The following FAIM2 variants were observed in gnomAD, a reference collection of about 807,000 sequenced individuals.
The protein encoded by FAIM2 is Fas apoptotic inhibitory molecule 2.
In FAIM2, 27 loss-of-function variants were observed where a neutral mutation model predicts 47.4. The ratio of observed to expected loss-of-function variants is 0.57; its 90% CI spans 0.42 to 0.78. FAIM2 has a LOEUF of 0.78. Among genes scored for constraint, FAIM2 ranks in the 30% least tolerant of loss-of-function variants. The probability of loss-of-function intolerance (pLI) is 0.00; values close to 1 mark genes in which losing one functional copy is unlikely to be tolerated. For missense variants in FAIM2, 311 were observed against 389.4 expected (o/e 0.80, Z 1.69); for synonymous variants, 156 against 159.3 (o/e 0.98, Z 0.16).
intron 11 of FAIM2, among the ~76,000 whole-genome samples, chr12:49,878,333 CATGTGAGTGT>C (rs1946757964): frequency 1.8e-5 from 2 of 110,920 alleles, no homozygotes; most frequent in South Asian, 6.9e-4. Flanking sequence ...TATTTGTGTG[CATGTGAGTGT>C]ATGTGTGTGC....
chr12:49,903,784 C>T lies in FAIM2; in HGVS notation c.9G>A (p.Gln3=). The T allele has an allele frequency of 1.3e-6, 2 of 1,547,784 alleles. No homozygotes were observed. The highest frequency in any genetic ancestry group is 1.7e-6 in the Non-Finnish European group (2 of 1,145,376). The stretch of plus-strand genomic sequence containing the variant: ...GCTGGGGAGATGCCGGTACCTTTCC[C>T]TGGGTCATGGTGCCGTCTCTCGGGG... MT[Q]GKLSVANKAP... Residue 3 remains glutamine (Q), a synonymous_variant, in exon 1 of 12, where the codon CAG becomes CAA. Transcript: ENST00000320634.
At chr12:49,894,833 G>A (rs997132669) in intron 5 of FAIM2, among the ~76,000 whole-genome samples, 3 of 152,188 alleles carry the variant, frequency 2.0e-5, no homozygotes, top group African/African-American at 4.8e-5. Flanking sequence ...GCCTGGCAGG[G>A]CTATTGAAAG....
At position 49,867,608 on chromosome 12, in the gene FAIM2, G is replaced by C. The variant is rs572882324; in HGVS notation, c.*2896C>G. 6.6e-6 allele frequency: 1 copy of C among 152,314 alleles called. No individual in the cohort carries two copies. The highest frequency in any genetic ancestry group is 2.4e-5 in the African/African-American group (1 of 41,534). 9.4% of individuals were successfully genotyped at this position (152,314 alleles called of 1,614,324 possible). On this transcript the variant is annotated 3_prime_UTR_variant, in exon 12 of 12. Transcript: ENST00000320634. ...GGGAGACCCCTCAACTCACATTCCG[G>C]ACAGTCAGATTCCTGGCTGCCTCCA...
chr12:49,871,950 G>A (rs1196667295), intron 11 of FAIM2, among the ~76,000 whole-genome samples: 1 of 152,196 alleles, frequency 6.6e-6, no homozygotes, highest in Non-Finnish European at 1.5e-5. Flanking sequence ...ACAGGCATGA[G>A]CCACCAGGCC....
chr12:49,878,094 ATG>A (rs1485629144), intron 11 of FAIM2, among the ~76,000 whole-genome samples: 2 of 101,592 alleles, frequency 2.0e-5, no homozygotes, highest in African/African-American at 4.0e-5. Flanking sequence ...ATGTGAGTGC[ATG>A]TGTGTGCATG....
In FAIM2 at chr12:49,880,494, A is replaced by ATGTGTGTGTATG. The variant is rs1555158553; in HGVS notation, c.801+6880_801+6891dup. ...CATGAGTGCATGTGTATGCATGTGTATGTGTGTGTATGAGTGTGTATGTGC... is the reference window on the plus strand; with the variant it reads ...CATGAGTGCATGTGTATGCATGTGTATGTGTGTGTATGTGTGTGTGTATGAGTGTGTATGTGC... On this transcript the variant is annotated intron_variant, in intron 11 of 11. Transcript: ENST00000320634. Among the ~76,000 whole-genome samples the ATGTGTGTGTATG allele has an allele frequency of 5.1e-4, 71 of 138,938 alleles. 1 individual carries two copies. Among genetic ancestry groups the ATGTGTGTGTATG allele is most frequent in the Admixed American group, 1.8e-3 (25 of 14,230 alleles). The allele number at this position is 138,938 out of a possible 152,430, so 91.1% of individuals were successfully genotyped here.
intron 11 of FAIM2, among the ~76,000 whole-genome samples, chr12:49,872,770 T>C (rs758730197): frequency 6.6e-6 from 1 of 152,200 alleles, no homozygotes; most frequent in Non-Finnish European, 1.5e-5. Flanking sequence ...CTGTAGGACC[T>C]GGGCAGAGCA....
At chr12:49,872,086 A>G (rs931640038) in intron 11 of FAIM2, among the ~76,000 whole-genome samples, 8 of 152,210 alleles carry the variant, frequency 5.3e-5, no homozygotes, top group Non-Finnish European at 1.2e-4. Flanking sequence ...ATAAATATGT[A>G]TGGGGCAACA....
chr12:49,889,305 C>A, intron 9 of FAIM2, 103 bp from the exon 10 acceptor site: 1 of 1,061,222 alleles, frequency 9.4e-7, no homozygotes. Context: ...GTGCTTACCC[C>A]AAGAACCTGG....
At chr12:49,897,644 C>T in intron 3 of FAIM2, 61 bp from the exon 4 acceptor site, 5 of 1,261,110 alleles carry the variant, frequency 4.0e-6, no homozygotes, top group Non-Finnish European at 5.7e-6. Context: ...GTCAGCCCCG[C>T]AGTGACTCAG....
Position 49,897,012 on chromosome 12 carries a change from G to A in FAIM2, c.434+19C>T, listed in dbSNP as rs1268947757. 1 of 1,603,796 alleles carries A rather than the reference G, an allele frequency of 6.2e-7. No individual in the cohort carries two copies. The highest frequency in any genetic ancestry group is 1.3e-5 in the African/African-American group (1 of 74,692). On this transcript the variant is annotated intron_variant, in intron 5 of 11. Coordinates refer to ENST00000320634, the MANE Select transcript of FAIM2 (RefSeq NM_012306.4). ...CTAAGCCTTCTCTGGAAGGGGACTG[G>A]GGACTGAGATATACTCACTAGGATG... is the stretch of plus-strand genomic sequence containing the variant.
rs568502300 is a variant in FAIM2 at position 49,869,501 on chromosome 12, G to A, written c.*1003C>T. The A allele has an allele frequency of 1.3e-5, 2 of 152,746 alleles. No homozygotes were observed. Among genetic ancestry groups the A allele is most frequent in the South Asian group, 2.1e-4 (1 of 4,832 alleles). The allele number at this position is 152,746 out of a possible 1,614,324, so 9.5% of individuals were successfully genotyped here. A position where few individuals can be genotyped will look rare whatever the true frequency, so the allele number is the denominator to read the frequency against. On this transcript the variant is annotated 3_prime_UTR_variant, in exon 12 of 12. Coordinates refer to ENST00000320634, the MANE Select transcript of FAIM2 (RefSeq NM_012306.4). ...TTTAGGAAATAAGAGGTGCAGAAGG[G>A]ACTCCCACACAGCCTCGGGTTAGGG...
At chr12:49,878,719 TGTGTCTGTGTGC>T (rs1946767780) in intron 11 of FAIM2, among the ~76,000 whole-genome samples, 1 of 76,516 alleles carries the variant, frequency 1.3e-5, no homozygotes. Context: ...TATATGCGTG[TGTGTCTGTGTGC>T]ATGTGAGTGT....
chr12:49,899,454 C>T (rs1203790222), intron 2 of FAIM2, among the ~76,000 whole-genome samples: 2 of 152,210 alleles, frequency 1.3e-5, no homozygotes, highest in African/African-American at 4.8e-5. Flanking sequence ...GCCTCCGCGG[C>T]CTCCCTGCGC....
chr12:49,886,976 C>T (rs555296294), intron 11 of FAIM2, among the ~76,000 whole-genome samples: 4 of 152,280 alleles, frequency 2.6e-5, no homozygotes, highest in Admixed American at 2.6e-4. Flanking sequence ...GTCTCTCTCT[C>T]AGGGTACCTG....
rs572967312 is a variant in FAIM2 at position 49,870,667 on chromosome 12, GGA to G, written c.802-16_802-15del. The G allele has an allele frequency of 3.5e-4, 550 of 1,588,442 alleles. No individual in the cohort carries two copies. The highest frequency in any genetic ancestry group is 3.9e-4 in the Non-Finnish European group (451 of 1,161,508). ...AAGTGCCAGGAACTGGGAGAAGTGA[GGA>G]GAGAGAGAGAGAGGTCAGAGGCCCA... is the stretch of plus-strand genomic sequence containing the variant. On this transcript the variant is annotated splice_polypyrimidine_tract_variant and intron_variant, in intron 11 of 11. Transcript: ENST00000320634.
chr12:49,898,344 C>T (rs1444197263), intron 2 of FAIM2, among the ~76,000 whole-genome samples: 3 of 152,236 alleles, frequency 2.0e-5, no homozygotes, highest in Admixed American at 6.5e-5. Flanking sequence ...CCCTCCACCC[C>T]GGCTGGGGCT....
intron 11 of FAIM2, among the ~76,000 whole-genome samples, chr12:49,885,852 G>A (rs1020068624): frequency 1.3e-5 from 2 of 152,112 alleles, no homozygotes; most frequent in East Asian, 3.9e-4. Context: ...TGCTGACCAG[G>A]CATCTGGGCA....
rs1359502964 is a variant in FAIM2 at position 49,878,686 on chromosome 12, G to A, written c.802-8033C>T. 1.6e-5 allele frequency among the ~76,000 whole-genome samples: 2 copies of A among 127,864 alleles called. 1 individual carries two copies. The highest frequency in any genetic ancestry group is 3.2e-5 in the Non-Finnish European group (2 of 63,304). The allele number at this position is 127,864 out of a possible 152,430, so 83.9% of individuals were successfully genotyped here. On this transcript the variant is annotated intron_variant, in intron 11 of 11. Transcript: ENST00000320634. The stretch of plus-strand genomic sequence containing the variant: ...TGTGCATGTGTGTATGTGTGTATAT[G>A]TGAGTGTATGTGCATGTGTGCATAT...
Sources: gnomAD v4.1 joint callset for allele counts (sites outside exome capture counted in the v4.1 genomes callset) on GRCh38, gnomAD v4.1.1 for gene constraint, MANE v1.5 for transcripts, NCBI Gene and HGNC (gene_info 2026-07-23, HGNC 2026-07-21) for gene names.